SCD5: variants seen among roughly 807,000 people sequenced by gnomAD.
SCD5 encodes stearoyl-CoA desaturase 5.
In SCD5, 20 loss-of-function variants were observed where a neutral mutation model predicts 30.4. That is an observed-to-expected ratio of 0.66 (90% CI 0.46 to 0.96). The LOEUF is 0.96. Ranked by LOEUF, SCD5 falls within the 40% of genes least tolerant of loss-of-function variation. The pLI is 0.00. For synonymous variants in SCD5, 173 were observed against 176.4 expected (o/e 0.98, Z 0.16); for missense variants, 381 against 443.3 (o/e 0.86, Z 1.26).
At chr4:82,786,685 G>C (rs916360546) in intron 1 of SCD5, among the ~76,000 whole-genome samples, 6 of 151,732 alleles carry the variant, frequency 4.0e-5, no homozygotes, top group African/African-American at 1.5e-4. Flanking sequence ...CCAGTTACTG[G>C]GGAGGCTGAG....
intron 1 of SCD5, among the ~76,000 whole-genome samples, chr4:82,712,182 C>T (rs983659041): frequency 2.4e-4 from 32 of 132,760 alleles, no homozygotes; most frequent in African/African-American, 9.0e-4. Context: ...TAGTAAAGTG[C>T]AGTTGCAGGA....
At chr4:82,686,691 A>T (rs1180612809) in intron 2 of SCD5, among the ~76,000 whole-genome samples, 1 of 152,206 alleles carries the variant, frequency 6.6e-6, no homozygotes, top group Non-Finnish European at 1.5e-5. Flanking sequence ...TAAGAGAAAA[A>T]GCCTTAGTGT....
chr4:82,786,456 CTT>C (rs1341940547), intron 1 of SCD5, among the ~76,000 whole-genome samples: 33 of 152,094 alleles, frequency 2.2e-4, no homozygotes, highest in Non-Finnish European at 1.2e-4. Context: ...CTATTCATGT[CTT>C]GTTTCATTTT....
intron 2 of SCD5, among the ~76,000 whole-genome samples, chr4:82,693,074 T>G (rs1437238616): frequency 6.6e-6 from 1 of 152,070 alleles, no homozygotes; most frequent in Non-Finnish European, 1.5e-5. Context: ...TGGATGGGGG[T>G]GGCCTCTTCT....
intron 3 of SCD5, among the ~76,000 whole-genome samples, chr4:82,645,093 C>T (rs1727611371): frequency 6.6e-6 from 1 of 152,184 alleles, no homozygotes; most frequent in Admixed American, 6.5e-5. Context: ...GTGGAAGGAT[C>T]ACTTAAGGTC....
intron 3 of SCD5, among the ~76,000 whole-genome samples, chr4:82,655,585 G>A (rs1727853039): frequency 6.6e-6 from 1 of 152,202 alleles, no homozygotes; most frequent in Admixed American, 6.5e-5. Context: ...GAAGTCATGA[G>A]AGAATGCCAA....
intron 1 of SCD5, among the ~76,000 whole-genome samples, chr4:82,749,743 T>C (rs1721062466): frequency 6.6e-6 from 1 of 152,216 alleles, no homozygotes; most frequent in Non-Finnish European, 1.5e-5. Context: ...ATTTCACAGA[T>C]TCATGTTGAA....
At chr4:82,780,938 C>T (rs1177536011) in intron 1 of SCD5, among the ~76,000 whole-genome samples, 2 of 152,208 alleles carry the variant, frequency 1.3e-5, no homozygotes, top group Non-Finnish European at 2.9e-5. Flanking sequence ...TTCCTCTTCC[C>T]TATGAAGACA....
At chr4:82,656,263 C>A (rs1331947223) in intron 3 of SCD5, among the ~76,000 whole-genome samples, 1 of 152,046 alleles carries the variant, frequency 6.6e-6, no homozygotes, top group Non-Finnish European at 1.5e-5. Context: ...CCCCCACAAC[C>A]CCCCAACAGG....
intron 1 of SCD5, among the ~76,000 whole-genome samples, chr4:82,752,192 T>C (rs572394930): frequency 3.3e-4 from 50 of 151,938 alleles, no homozygotes; most frequent in Non-Finnish European, 5.9e-4. Context: ...GTATGGGAAT[T>C]TGTAGTTCTA....
chr4:82,708,916 T>TA (rs1308189132), intron 1 of SCD5, among the ~76,000 whole-genome samples: 5 of 92,998 alleles, frequency 5.4e-5, no homozygotes, highest in African/African-American at 2.3e-4. Flanking sequence ...CATTAATAAA[T>TA]AATATTGACT....
chr4:82,665,029 C>T (rs1370325513), intron 3 of SCD5, among the ~76,000 whole-genome samples: 1 of 14,114 alleles, frequency 7.1e-5, no homozygotes, highest in Non-Finnish European at 1.1e-4. Context: ...ATGTATAATA[C>T]ACACACACAC....
At chr4:82,699,329 G>C (rs961533537) in intron 2 of SCD5, among the ~76,000 whole-genome samples, 9 of 151,958 alleles carry the variant, frequency 5.9e-5, no homozygotes, top group African/African-American at 2.2e-4. Flanking sequence ...CCACTTTTCT[G>C]TTTTCTCGCC....
chr4:82,780,937 C>G (rs1721853925), intron 1 of SCD5, among the ~76,000 whole-genome samples: 1 of 152,202 alleles, frequency 6.6e-6, no homozygotes, highest in Non-Finnish European at 1.5e-5. Flanking sequence ...TTTCCTCTTC[C>G]CTATGAAGAC....
chr4:82,773,444 C>G (rs374979171), intron 1 of SCD5, among the ~76,000 whole-genome samples: 33 of 152,274 alleles, frequency 2.2e-4, no homozygotes, highest in African/African-American at 6.7e-4. Context: ...TCCAAATCAG[C>G]AGGGCCACCC....
At chr4:82,637,561 G>C (rs1016008044) in intron 3 of SCD5, among the ~76,000 whole-genome samples, 1 of 152,224 alleles carries the variant, frequency 6.6e-6, no homozygotes, top group African/African-American at 2.4e-5. Context: ...CCTGACCCAG[G>C]CTTCAGCCAA....
In SCD5 at chr4:82,674,625, T is replaced by A. The variant is rs118111547; in HGVS notation, c.569+6082A>T. 7.6e-4 allele frequency among the ~76,000 whole-genome samples: 115 copies of A among 152,298 alleles called. 2 individuals carry two copies. In the East Asian group the frequency reaches 0.02, roughly 27 times the overall value. On this transcript the variant is annotated intron_variant, in intron 3 of 4. Transcript: ENST00000319540. ...AATCCCACAACTGTGCTCCTTGGTATTTACCCAAAGGAGTTGAAAACCTAT... is the reference window on the plus strand; with the variant it reads ...AATCCCACAACTGTGCTCCTTGGTAATTACCCAAAGGAGTTGAAAACCTAT...
At chr4:82,745,776 T>C (rs1720969934) in intron 1 of SCD5, among the ~76,000 whole-genome samples, 1 of 152,190 alleles carries the variant, frequency 6.6e-6, no homozygotes, top group Non-Finnish European at 1.5e-5. Flanking sequence ...GAGTATGGAC[T>C]CAAATGGAAA....
At chr4:82,670,052 A>G (rs1025902543) in intron 3 of SCD5, among the ~76,000 whole-genome samples, 5 of 152,184 alleles carry the variant, frequency 3.3e-5, no homozygotes, top group African/African-American at 4.8e-5. Context: ...ACTACTGAAG[A>G]CCTATATACA....
Sources: allele counts gnomAD v4.1 joint callset (sites outside exome capture counted in the v4.1 genomes callset), GRCh38; gene constraint gnomAD v4.1.1; transcripts MANE v1.5; gene names NCBI Gene and HGNC (gene_info 2026-07-23, HGNC 2026-07-21).